The following THSD7B variants were observed in gnomAD, a reference collection of about 807,000 sequenced individuals.
THSD7B encodes thrombospondin type-1 domain-containing protein 7B.
THSD7B carries 138 observed loss-of-function variants against 213.6 expected under a neutral mutation model. The observed-to-expected ratio is 0.65, with a 90% CI of 0.56 to 0.74. The LOEUF (loss-of-function observed/expected upper bound fraction) is 0.74. Ranked by LOEUF, THSD7B falls within the 30% of genes least tolerant of loss-of-function variation. The pLI, the probability that THSD7B is intolerant of heterozygous loss-of-function variation, is 0.00. For missense variants in THSD7B, 1,931 were observed against 1,991.5 expected (o/e 0.97, Z 0.58); for synonymous variants, 742 against 687.0 (o/e 1.08, Z -1.25).
chr2:137,445,995 C>A lies in THSD7B; in HGVS notation c.2960-4850C>A, dbSNP rs559196007. ...ACATGCTATTTTAACTCACAAGATT[C>A]TCCCGGATCTTAGCTTGTTTAGTAT... On this transcript the variant is annotated intron_variant, in intron 14 of 27. Transcript: ENST00000409968. Among the ~76,000 whole-genome samples, 3 of 151,156 alleles carry A rather than the reference C, an allele frequency of 2.0e-5. No homozygotes were observed. In the South Asian group the frequency reaches 6.3e-4, roughly 32 times the overall value.
chr2:136,890,398 TTCC>T (rs1683809815), intron 2 of THSD7B, among the ~76,000 whole-genome samples: 1 of 2,226 alleles, frequency 4.5e-4, no homozygotes, highest in African/African-American at 1.1e-3. Context: ...CCTCTTCCTC[TTCC>T]TCTTCCTCTT....
At chr2:137,309,106 T>A (rs1683826476) in intron 12 of THSD7B, among the ~76,000 whole-genome samples, 1 of 152,148 alleles carries the variant, frequency 6.6e-6, no homozygotes, top group Non-Finnish European at 1.5e-5. Flanking sequence ...ATTTTATTTT[T>A]CAACAATAGC....
chr2:137,241,837 A>G (rs1428655184), intron 9 of THSD7B, among the ~76,000 whole-genome samples: 1 of 150,948 alleles, frequency 6.6e-6, no homozygotes, highest in Middle Eastern at 3.2e-3. Flanking sequence ...TGAACTTGGG[A>G]GGTGGAGGTT....
chr2:136,870,088 A>AT (rs1194279446), intron 1 of THSD7B, among the ~76,000 whole-genome samples: 119 of 151,202 alleles, frequency 7.9e-4, no homozygotes, highest in African/African-American at 2.6e-3. Context: ...AAAAAAAAAA[A>AT]AGTGTCAGCA....
intron 15 of THSD7B, among the ~76,000 whole-genome samples, chr2:137,525,076 C>T (rs1359320068): frequency 1.3e-5 from 2 of 152,176 alleles, no homozygotes; most frequent in Non-Finnish European, 2.9e-5. Context: ...ACAATGGTGG[C>T]ACAATCTTTG....
chr2:137,087,191 T>A (rs993950558), intron 3 of THSD7B, among the ~76,000 whole-genome samples: 19 of 152,034 alleles, frequency 1.2e-4, no homozygotes, highest in East Asian at 1.9e-4. Flanking sequence ...TAAAAAAAAA[T>A]ATATGGCAAT....
chr2:137,062,632 A>G (rs566219583), intron 3 of THSD7B, among the ~76,000 whole-genome samples: 103 of 151,688 alleles, frequency 6.8e-4, no homozygotes, highest in Admixed American at 1.2e-3. Flanking sequence ...CTATTTTGTT[A>G]TTAATTTTAG....
intron 5 of THSD7B, among the ~76,000 whole-genome samples, chr2:137,123,134 C>T (rs369537440): frequency 1.8e-4 from 27 of 152,130 alleles, no homozygotes; most frequent in African/African-American, 5.6e-4. Context: ...GTTTAACTGT[C>T]CCATCTCCCT....
intron 15 of THSD7B, among the ~76,000 whole-genome samples, chr2:137,463,546 A>G (rs1687929867): frequency 6.6e-6 from 1 of 151,632 alleles, no homozygotes; most frequent in African/African-American, 2.4e-5. Flanking sequence ...TTCTTTCTCT[A>G]CTATCATTCC....
At chr2:137,594,787 A>G (rs1681928893) in intron 17 of THSD7B, among the ~76,000 whole-genome samples, 1 of 151,980 alleles carries the variant, frequency 6.6e-6, no homozygotes, top group East Asian at 1.9e-4. Flanking sequence ...AATGGAATTT[A>G]TAGATCAGTT....
intron 2 of THSD7B, among the ~76,000 whole-genome samples, chr2:136,892,471 A>C (rs541749568): frequency 2.4e-4 from 37 of 151,912 alleles, no homozygotes; most frequent in African/African-American, 8.7e-4. Flanking sequence ...GCGTCTCCTC[A>C]AATAGGAACA....
rs1682382983 is a variant in THSD7B at position 137,616,192 on chromosome 2, A to G, written c.3441A>G (p.Thr1147=). Residue 1147 remains threonine (T), a synonymous_variant, in exon 18 of 28, where the codon ACA becomes ACG. Transcript: ENST00000409968. ...TTTAATAGTCATGCGATCCCCACAC[A>G]ATGCAGAGAAGAACTCGCCACCTGC... ...SKCPQSCDPH[T]MQRRTRHLLR... 1 of 1,613,058 alleles carries G rather than the reference A, an allele frequency of 6.2e-7. No individual in the cohort carries two copies. Among genetic ancestry groups the G allele is most frequent in the Non-Finnish European group, 8.5e-7 (1 of 1,179,580 alleles).
intron 12 of THSD7B, among the ~76,000 whole-genome samples, chr2:137,363,036 C>G (rs12381161): frequency 0.57 from 86,743 of 152,016 alleles, 27,421 homozygotes; most frequent in East Asian, 0.77. Flanking sequence ...AACAAACTGT[C>G]TCTCAGACCA....
At chr2:137,292,717 A>AT (rs971599193) in intron 12 of THSD7B, among the ~76,000 whole-genome samples, 5 of 152,094 alleles carry the variant, frequency 3.3e-5, no homozygotes, top group Non-Finnish European at 7.4e-5. Context: ...GTAACTACCC[A>AT]TATTTGTTGG....
At chr2:137,010,438 C>G (rs1445163346) in intron 2 of THSD7B, among the ~76,000 whole-genome samples, 1 of 152,100 alleles carries the variant, frequency 6.6e-6, no homozygotes, top group Non-Finnish European at 1.5e-5. Context: ...ACAGTAATGT[C>G]TACCTCCCCT....
chr2:136,771,824 G>A (rs1250615612), intron 1 of THSD7B, among the ~76,000 whole-genome samples: 1 of 152,134 alleles, frequency 6.6e-6, no homozygotes, highest in African/African-American at 2.4e-5. Context: ...GTTGAAGAGG[G>A]GAGTGTGATG....
intron 7 of THSD7B, among the ~76,000 whole-genome samples, chr2:137,183,288 C>T (rs1680489522): frequency 6.6e-6 from 1 of 152,058 alleles, no homozygotes; most frequent in East Asian, 1.9e-4. Context: ...CTCACATAAC[C>T]ATAGTTCAAT....
At chr2:137,570,847 A>G (rs1225446790) in intron 16 of THSD7B, among the ~76,000 whole-genome samples, 1 of 152,236 alleles carries the variant, frequency 6.6e-6, no homozygotes, top group East Asian at 1.9e-4. Flanking sequence ...GTAGCAAGCT[A>G]TCAAAAATAT....
At chr2:137,524,262 A>G (rs972693382) in intron 15 of THSD7B, among the ~76,000 whole-genome samples, 14 of 152,116 alleles carry the variant, frequency 9.2e-5, no homozygotes, top group Non-Finnish European at 1.5e-4. Flanking sequence ...AGCCTCCCCA[A>G]GCAAAGAGCT....
Sources: allele counts gnomAD v4.1 joint callset (sites outside exome capture counted in the v4.1 genomes callset), GRCh38; gene constraint gnomAD v4.1.1; transcripts MANE v1.5; gene names NCBI Gene and HGNC (gene_info 2026-07-23, HGNC 2026-07-21).